The following CDK14 variants were observed in gnomAD, a reference collection of about 807,000 sequenced individuals.
CDK14 encodes the protein cyclin-dependent kinase 14.
Under a neutral mutation model 60.7 loss-of-function variants are expected in CDK14, and 34 were observed. The observed-to-expected ratio is 0.56, with a 90% CI of 0.43 to 0.75. The LOEUF is 0.75. Ranked by LOEUF, CDK14 falls within the 30% of genes least tolerant of loss-of-function variation. The pLI is 0.00. For missense variants in CDK14, 482 were observed against 564.1 expected (o/e 0.85, Z 1.47); for synonymous variants, 197 against 203.7 (o/e 0.97, Z 0.28).
intron 8 of CDK14, among the ~76,000 whole-genome samples, chr7:90,943,558 C>T (rs971541945): frequency 2.6e-5 from 4 of 152,086 alleles, no homozygotes; most frequent in East Asian, 3.9e-4. Flanking sequence ...GGGCTGGTAG[C>T]TTGTATATTA....
intron 5 of CDK14, among the ~76,000 whole-genome samples, chr7:90,813,123 T>G (rs1403778057): frequency 6.6e-6 from 1 of 152,226 alleles, no homozygotes; most frequent in African/African-American, 2.4e-5. Flanking sequence ...AACACTGTGC[T>G]AAGTTAAATA....
chr7:90,730,808 G>C (rs1408709946), intron 3 of CDK14, among the ~76,000 whole-genome samples: 1 of 152,286 alleles, frequency 6.6e-6, no homozygotes, highest in African/African-American at 2.4e-5. Context: ...GAGTTTGCCT[G>C]TTCACTCTGA....
At chr7:91,019,933 T>G (rs1796393171) in intron 10 of CDK14, among the ~76,000 whole-genome samples, 2 of 152,152 alleles carry the variant, frequency 1.3e-5, no homozygotes, top group Admixed American at 1.3e-4. Context: ...GAGCAATTGT[T>G]TATTTTTGCT....
At chr7:91,186,008 C>T (rs371440081) in intron 14 of CDK14, among the ~76,000 whole-genome samples, 1 of 152,046 alleles carries the variant, frequency 6.6e-6, no homozygotes, top group Non-Finnish European at 1.5e-5. Flanking sequence ...GCATATGTGG[C>T]CTTTTGTGAC....
chr7:91,197,681 A>T (rs1436566772), intron 14 of CDK14, among the ~76,000 whole-genome samples: 2 of 152,210 alleles, frequency 1.3e-5, no homozygotes, highest in African/African-American at 2.4e-5. Context: ...GGAAGAATAC[A>T]TGGGAAAGTA....
In CDK14 at chr7:90,933,112, G is replaced by A. The variant is rs76306993; in HGVS notation, c.826+15388G>A. ...CCCAGCACTTTGGGCGACTAAGGCA[G>A]GCAGATCCCTTGAGCTCAAGAGTTC... On this transcript the variant is annotated intron_variant, in intron 8 of 14. Coordinates refer to ENST00000380050, the MANE Select transcript of CDK14 (RefSeq NM_001287135.2). 0.018 allele frequency among the ~76,000 whole-genome samples: 2,702 copies of A among 152,142 alleles called. 143 individuals carry two copies. In the East Asian group the frequency reaches 0.18, roughly 10 times the overall value.
At chr7:91,202,510 A>G (rs1802762059) in intron 14 of CDK14, among the ~76,000 whole-genome samples, 1 of 152,208 alleles carries the variant, frequency 6.6e-6, no homozygotes, top group Non-Finnish European at 1.5e-5. Flanking sequence ...CATTGATATT[A>G]TATTTCACTT....
chr7:91,072,822 A>T (rs571208943), intron 11 of CDK14, among the ~76,000 whole-genome samples: 1 of 152,208 alleles, frequency 6.6e-6, no homozygotes, highest in Admixed American at 6.5e-5. Flanking sequence ...AGACAGGAAC[A>T]TAAATGACAT....
intron 14 of CDK14, among the ~76,000 whole-genome samples, chr7:91,196,105 A>G (rs1802530596): frequency 2.0e-5 from 3 of 152,300 alleles, no homozygotes; most frequent in African/African-American, 7.2e-5. Flanking sequence ...GTTGACTTAT[A>G]GTTAGCTGTT....
At chr7:90,770,972 C>A (rs1002154273) in intron 4 of CDK14, among the ~76,000 whole-genome samples, 1 of 152,164 alleles carries the variant, frequency 6.6e-6, no homozygotes, top group African/African-American at 2.4e-5. Context: ...CTTAGTCAGT[C>A]TAGAGAGAAT....
At chr7:90,808,656 A>G (rs1043187662) in intron 5 of CDK14, among the ~76,000 whole-genome samples, 92 of 152,340 alleles carry the variant, frequency 6.0e-4, no homozygotes, top group African/African-American at 2.1e-3. Context: ...GCTCCAATTA[A>G]AAGACACAGA....
Position 91,210,299 on chromosome 7 carries a change from C to G in CDK14, c.*3163C>G, listed in dbSNP as rs570715910. ...GAGGCACATACAAAACCTACATTCTCTAGTTGGGAGTGGATTTTTAAAGTT... is the reference window on the plus strand; with the variant it reads ...GAGGCACATACAAAACCTACATTCTGTAGTTGGGAGTGGATTTTTAAAGTT... On this transcript the variant is annotated 3_prime_UTR_variant, in exon 15 of 15. Transcript: ENST00000380050. 5 of 151,558 alleles carry G rather than the reference C, an allele frequency of 3.3e-5. No individual in the cohort carries two copies. Among genetic ancestry groups the G allele is most frequent in the Admixed American group, 1.3e-4 (2 of 15,140 alleles). 9.4% of individuals were successfully genotyped at this position (151,558 alleles called of 1,614,324 possible).
At chr7:91,055,777 GC>G (rs1797530760) in intron 11 of CDK14, among the ~76,000 whole-genome samples, 1 of 152,138 alleles carries the variant, frequency 6.6e-6, no homozygotes, top group Non-Finnish European at 1.5e-5. Flanking sequence ...TTAACTTTTA[GC>G]CTAAGAATTT....
chr7:91,067,087 C>T (rs1798004680), intron 11 of CDK14, among the ~76,000 whole-genome samples: 1 of 152,156 alleles, frequency 6.6e-6, no homozygotes, highest in Non-Finnish European at 1.5e-5. Flanking sequence ...CATTCATATG[C>T]AAATACTCAA....
At chr7:91,149,605 A>G (rs893338275) in intron 14 of CDK14, among the ~76,000 whole-genome samples, 6 of 152,178 alleles carry the variant, frequency 3.9e-5, no homozygotes, top group Non-Finnish European at 8.8e-5. Context: ...TAGGCTGACA[A>G]AAGCTTGTTC....
chr7:90,617,790 G>A (rs186531100), intron 2 of CDK14, among the ~76,000 whole-genome samples: 311 of 152,106 alleles, frequency 2.0e-3, no homozygotes, highest in Non-Finnish European at 3.3e-3. Context: ...TTGATCCTTC[G>A]GGTAGTAATT....
intron 7 of CDK14, among the ~76,000 whole-genome samples, chr7:90,910,913 C>T (rs1792874844): frequency 1.3e-5 from 2 of 152,044 alleles, no homozygotes; most frequent in African/African-American, 4.8e-5. Context: ...GGTTATTTTT[C>T]CTGATCCTCT....
chr7:91,167,340 C>T (rs1460357611), intron 14 of CDK14, among the ~76,000 whole-genome samples: 1 of 152,134 alleles, frequency 6.6e-6, no homozygotes, highest in African/African-American at 2.4e-5. Flanking sequence ...TATTATATGA[C>T]GTCTTTTCTG....
rs1244290894 is a variant in CDK14, at chr7:91,013,401, A to T, written c.1041+29160A>T. ...ACCAATTATTAAAACTTTGTATTTG[A>T]CTTCATTACCTATGACTAACAATTT... On this transcript the variant is annotated intron_variant, in intron 10 of 14. Coordinates refer to ENST00000380050, the MANE Select transcript of CDK14 (RefSeq NM_001287135.2). Among the ~76,000 whole-genome samples, 15 of 152,304 alleles carry T rather than the reference A, an allele frequency of 9.8e-5. No homozygotes were observed. The East Asian group carries it at 2.5e-3, about 25-fold the overall frequency.
Sources: gnomAD v4.1 joint callset for allele counts (sites outside exome capture counted in the v4.1 genomes callset) on GRCh38, gnomAD v4.1.1 for gene constraint, MANE v1.5 for transcripts, NCBI Gene and HGNC (gene_info 2026-07-23, HGNC 2026-07-21) for gene names.